The following SLC5A10 variants were observed in gnomAD, a reference collection of about 807,000 sequenced individuals.
The protein encoded by SLC5A10 is solute carrier family 5 member 10.
A neutral mutation model predicts 68.9 loss-of-function variants in SLC5A10; 55 were observed. The ratio of observed to expected loss-of-function variants is 0.80; its 90% CI spans 0.64 to 1.00. The LOEUF is 1.00. SLC5A10 is among the 50% of genes least tolerant of loss of function. The probability of loss-of-function intolerance (pLI) is 0.00; values close to 1 mark genes in which losing one functional copy is unlikely to be tolerated. For synonymous variants in SLC5A10, 344 were observed against 344.8 expected, an observed-to-expected ratio of 1.00 and a Z score of 0.02; for missense variants, 732 against 819.3, an observed-to-expected ratio of 0.89 and a Z score of 1.30.
chr17:19,005,159 G>A (rs2043849108), intron 9 of SLC5A10, among the ~76,000 whole-genome samples: 1 of 152,212 alleles, frequency 6.6e-6, no homozygotes, highest in Non-Finnish European at 1.5e-5. Flanking sequence ...ACAGGTCTAG[G>A]GTACTGGGCT....
intron 1 of SLC5A10, among the ~76,000 whole-genome samples, chr17:18,955,037 G>C (rs1235021853): frequency 7.0e-6 from 1 of 143,522 alleles, no homozygotes; most frequent in Non-Finnish European, 1.5e-5. Context: ...AATGAGCTGA[G>C]ATCACGCCAC....
At chr17:18,969,285 C>T (rs1002438188) in intron 6 of SLC5A10, 57 bp from the exon 7 acceptor site, 5 of 1,590,746 alleles carry the variant, frequency 3.1e-6, no homozygotes, top group African/African-American at 1.3e-5. Flanking sequence ...AGTTCCTCCC[C>T]GTGTCCCTCC....
chr17:18,981,127 A>AG (rs1371279650), intron 9 of SLC5A10, among the ~76,000 whole-genome samples: 1 of 152,194 alleles, frequency 6.6e-6, no homozygotes, highest in Non-Finnish European at 1.5e-5. Flanking sequence ...TGGGAGGTGA[A>AG]GGGGAGGCTG....
Position 19,013,537 on chromosome 17 carries a change from G to A in SLC5A10, c.1090+20G>A. 2 of 1,437,398 alleles carry A rather than the reference G, an allele frequency of 1.4e-6. No homozygotes were observed. The highest frequency in any genetic ancestry group is 1.8e-6 in the Non-Finnish European group (2 of 1,093,840). The allele number at this position is 1,437,398 out of a possible 1,614,324, so 89.0% of individuals were successfully genotyped here. On this transcript the variant is annotated intron_variant, in intron 10 of 14. Transcript: ENST00000395645. The stretch of plus-strand genomic sequence containing the variant: ...CCATCGGTGAGGCTGTGTGGGTGGG[G>A]GTCTGGGTGGAGGGCGTGGGGTTGG...
chr17:18,965,197 A>G (rs1446799580), intron 5 of SLC5A10, among the ~76,000 whole-genome samples: 6 of 151,928 alleles, frequency 3.9e-5, no homozygotes, highest in Non-Finnish European at 8.8e-5. Context: ...GGGTGGGGGC[A>G]GCAGAGGTTT....
At chr17:18,970,902 C>T in intron 7 of SLC5A10, 111 bp from the exon 8 acceptor site, 1 of 995,574 alleles carries the variant, frequency 1.0e-6, no homozygotes, top group East Asian at 2.6e-5. Flanking sequence ...GTGGAAAAAA[C>T]TCAAGTTTGA....
chr17:19,001,285 G>A (rs1159650402), intron 9 of SLC5A10, among the ~76,000 whole-genome samples: 1 of 152,238 alleles, frequency 6.6e-6, no homozygotes, highest in Non-Finnish European at 1.5e-5. Flanking sequence ...CCACAATGCT[G>A]TGGAGTCATG....
At chr17:18,966,213 T>G (rs1487661940) in intron 5 of SLC5A10, among the ~76,000 whole-genome samples, 7 of 152,052 alleles carry the variant, frequency 4.6e-5, no homozygotes, top group Admixed American at 3.9e-4. Context: ...TGGGGCCACA[T>G]CACAGGAGCA....
At chr17:18,979,287 T>G in intron 9 of SLC5A10, 1 of 518,468 alleles carries the variant, frequency 1.9e-6, no homozygotes, top group Non-Finnish European at 3.5e-6. Context: ...GTGACCCCCA[T>G]AGGCTTGCGA....
chr17:19,013,268 C>T, intron 9 of SLC5A10, 142 bp from the exon 10 acceptor site: 2 of 1,379,512 alleles, frequency 1.4e-6, no homozygotes, highest in Non-Finnish European at 1.9e-6. Context: ...GATTGTGAAA[C>T]TGAGGCCCAA....
chr17:18,987,116 C>A (rs1567797176), intron 9 of SLC5A10, among the ~76,000 whole-genome samples: 1 of 152,324 alleles, frequency 6.6e-6, no homozygotes, highest in Middle Eastern at 3.4e-3. Flanking sequence ...AAATTACAGG[C>A]GTGGAGCCCG....
chr17:18,992,762 T>C (rs2043460964), intron 9 of SLC5A10, among the ~76,000 whole-genome samples: 1 of 152,172 alleles, frequency 6.6e-6, no homozygotes, highest in African/African-American at 2.4e-5. Flanking sequence ...GTCTCTGATG[T>C]CCCTGCCGAG....
At chr17:18,951,819 G>T, upstream of SLC5A10, 1 of 215,522 alleles carries the variant, frequency 4.6e-6, no homozygotes, top group Non-Finnish European at 9.2e-6. Context: ...TACGCTCTAT[G>T]CTTCTTATAC....
chr17:19,003,654 G>C lies in SLC5A10; in HGVS notation c.983-9756G>C. 1 of 1,612,036 alleles carries C rather than the reference G, an allele frequency of 6.2e-7. No individual in the cohort carries two copies. Among genetic ancestry groups the C allele is most frequent in the Non-Finnish European group, 8.5e-7 (1 of 1,179,476 alleles). On this transcript the variant is annotated intron_variant, in intron 9 of 14. Transcript: ENST00000395645. The surrounding 1 kb of genome is among the most constrained non-coding windows in gnomAD (Gnocchi z 4.5). Reference sequence around the variant, plus strand: ...GTGTCGGGCCAGCCCAGGTCCAGCTGCGGGATGGAGCGGTCCGACTTCTGG... The same window carrying C: ...GTGTCGGGCCAGCCCAGGTCCAGCTCCGGGATGGAGCGGTCCGACTTCTGG...
chr17:19,018,283 C>CCCCCTGAATGCCAACTGAATG lies in SLC5A10; in HGVS notation c.1242-1138_1242-1137insCCTGAATGCCAACTGAATGCC, dbSNP rs2044181764. ...CTTGGGGGTGAGGAATGCCAACTGACCCAGGACACAGGGGTGAGGTGCTCA... is the reference window on the plus strand; with the variant it reads ...CTTGGGGGTGAGGAATGCCAACTGACCCCCTGAATGCCAACTGAATGCCAGGACACAGGGGTGAGGTGCTCA... On this transcript the variant is annotated intron_variant, in intron 11 of 14. Coordinates refer to ENST00000395645, the MANE Select transcript of SLC5A10 (RefSeq NM_001042450.4). The surrounding 1 kb of genome is among the most constrained non-coding windows in gnomAD (Gnocchi z 4.2). 6.6e-6 allele frequency: 1 copy of CCCCCTGAATGCCAACTGAATG among 152,456 alleles called. No homozygotes were observed. Among genetic ancestry groups the CCCCCTGAATGCCAACTGAATG allele is most frequent in the Non-Finnish European group, 1.5e-5 (1 of 68,218 alleles). The allele number at this position is 152,456 out of a possible 1,614,324, so 9.4% of individuals were successfully genotyped here.
chr17:18,965,037 G>T (rs1012820352), intron 5 of SLC5A10, among the ~76,000 whole-genome samples: 13 of 151,582 alleles, frequency 8.6e-5, no homozygotes, highest in African/African-American at 3.2e-4. Flanking sequence ...CCAGCTACTC[G>T]GAAGGCTGAG....
At chr17:18,977,886 C>A in intron 9 of SLC5A10, 1 of 1,610,966 alleles carries the variant, frequency 6.2e-7, no homozygotes, top group Non-Finnish European at 8.5e-7. Flanking sequence ...GAGTGGCTGT[C>A]CTGGTCACTG....
chr17:18,965,086 T>TGAA (rs1567780704), intron 5 of SLC5A10, among the ~76,000 whole-genome samples: 3 of 144,686 alleles, frequency 2.1e-5, no homozygotes, highest in African/African-American at 8.1e-5. Flanking sequence ...AGAGGTTTTT[T>TGAA]TAAAAAAAAA....
At chr17:18,956,386 A>G (rs2469842) in intron 1 of SLC5A10, among the ~76,000 whole-genome samples, 115,126 of 151,086 alleles carry the variant, frequency 0.76, 46,483 homozygotes, top group Non-Finnish European at 0.91. Context: ...ATGTTCTGAA[A>G]AGAAATACAA....
Sources: allele counts gnomAD v4.1 joint callset (sites outside exome capture counted in the v4.1 genomes callset), GRCh38; gene constraint gnomAD v4.1.1; non-coding constraint Gnocchi (gnomAD v3.1); transcripts MANE v1.5; gene names NCBI Gene and HGNC (gene_info 2026-07-23, HGNC 2026-07-21).